The following APBA2 variants were observed in gnomAD, a reference collection of about 807,000 sequenced individuals.
The protein encoded by APBA2 is amyloid-beta A4 precursor protein-binding family A member 2.
Under a neutral mutation model 75.0 loss-of-function variants are expected in APBA2, and 30 were observed. That is an observed-to-expected ratio of 0.40 (90% CI 0.30 to 0.54). APBA2 has a LOEUF of 0.54. APBA2 is among the 20% of genes least tolerant of loss of function. The pLI is 0.49. For synonymous variants in APBA2, 444 were observed against 409.6 expected, an observed-to-expected ratio of 1.08 and a Z score of -1.01; for missense variants, 801 against 1,016.1, an observed-to-expected ratio of 0.79 and a Z score of 2.88.
At chr15:29,077,738 C>T (rs1367899948) in intron 6 of APBA2, among the ~76,000 whole-genome samples, 1 of 152,166 alleles carries the variant, frequency 6.6e-6, no homozygotes, top group Non-Finnish European at 1.5e-5. Context: ...AGGAGAGAAG[C>T]CCTTTGATTG....
chr15:29,104,522 T>C (rs1323319332), intron 10 of APBA2, among the ~76,000 whole-genome samples: 11 of 152,026 alleles, frequency 7.2e-5, no homozygotes, highest in Admixed American at 7.2e-4. Flanking sequence ...CATGTCAGAG[T>C]CGGTGATGTC....
intron 2 of APBA2, among the ~76,000 whole-genome samples, chr15:28,958,094 G>A (rs972544690): frequency 6.6e-6 from 1 of 152,218 alleles, no homozygotes; most frequent in Non-Finnish European, 1.5e-5. Context: ...GAACATGAGA[G>A]GATTGCACTC....
intron 2 of APBA2, among the ~76,000 whole-genome samples, chr15:28,942,472 T>G (rs1033383884): frequency 6.6e-6 from 1 of 152,206 alleles, no homozygotes; most frequent in Non-Finnish European, 1.5e-5. Flanking sequence ...CTTTTGGCCT[T>G]TTCTGTGAGG....
chr15:29,040,783 C>G (rs1410184249), intron 3 of APBA2, among the ~76,000 whole-genome samples: 1 of 152,086 alleles, frequency 6.6e-6, no homozygotes, highest in Non-Finnish European at 1.5e-5. Context: ...GGGATGCAAT[C>G]TACAATTATT....
intron 9 of APBA2, among the ~76,000 whole-genome samples, chr15:29,099,891 G>A (rs909160387): frequency 6.6e-6 from 1 of 152,210 alleles, no homozygotes; most frequent in Non-Finnish European, 1.5e-5. Context: ...TAACTCTTCC[G>A]CTGGATCCTG....
rs560827077 is a variant in APBA2 at position 28,914,282 on chromosome 15, G to A, written c.-204-7358G>A. On this transcript the variant is annotated intron_variant, in intron 1 of 14. Transcript: ENST00000683413. ...GACCTTGGGGAAGCAGCTCACCTCC[G>A]AGCCTGGTGTATGAGAGCATAATGG... Among the ~76,000 whole-genome samples, 4 of 151,988 alleles carry A rather than the reference G, an allele frequency of 2.6e-5. No individual in the cohort carries two copies. The South Asian group carries it at 8.3e-4, about 32-fold the overall frequency.
At chr15:28,951,171 G>T (rs1412885692) in intron 2 of APBA2, among the ~76,000 whole-genome samples, 2 of 152,074 alleles carry the variant, frequency 1.3e-5, no homozygotes, top group Non-Finnish European at 2.9e-5. Context: ...CATTTACATT[G>T]TACTAGGTAT....
At chr15:28,891,903 G>A (rs1014294052) in intron 1 of APBA2, among the ~76,000 whole-genome samples, 1 of 152,148 alleles carries the variant, frequency 6.6e-6, no homozygotes, top group Non-Finnish European at 1.5e-5. Context: ...TGACATTGTC[G>A]TAAAGTTGTA....
chr15:29,036,250 T>G (rs574489548), intron 3 of APBA2, among the ~76,000 whole-genome samples: 106 of 112,280 alleles, frequency 9.4e-4, no homozygotes, highest in African/African-American at 3.0e-3. Flanking sequence ...CTTAAAAAAC[T>G]ATTTTTTTTA....
chr15:29,090,151 G>A (rs1021748762), intron 6 of APBA2, among the ~76,000 whole-genome samples: 1 of 152,220 alleles, frequency 6.6e-6, no homozygotes, highest in Non-Finnish European at 1.5e-5. Context: ...ATTGTTTCTC[G>A]CTGAACAAAA....
At chr15:29,001,559 A>G (rs1454436375) in intron 3 of APBA2, among the ~76,000 whole-genome samples, 1 of 152,208 alleles carries the variant, frequency 6.6e-6, no homozygotes, top group Non-Finnish European at 1.5e-5. Flanking sequence ...GTGGAGACTC[A>G]TGAGTTGGGG....
chr15:28,945,077 A>C (rs1233071747), intron 2 of APBA2, among the ~76,000 whole-genome samples: 2 of 152,226 alleles, frequency 1.3e-5, no homozygotes. Context: ...AGCACACCAC[A>C]GCCACACAGG....
At chr15:28,901,077 G>A (rs1395051443) in intron 1 of APBA2, among the ~76,000 whole-genome samples, 5 of 152,132 alleles carry the variant, frequency 3.3e-5, no homozygotes, top group Non-Finnish European at 5.9e-5. Flanking sequence ...GCACTGTTCC[G>A]GTGGTCATTT....
chr15:29,093,320 T>C, intron 7 of APBA2, 100 bp downstream of exon 7: 1 of 1,506,002 alleles, frequency 6.6e-7, no homozygotes, highest in Non-Finnish European at 9.0e-7. Flanking sequence ...CAGCTCGGAC[T>C]GCACAGCCCT....
intron 2 of APBA2, among the ~76,000 whole-genome samples, chr15:28,971,652 A>G (rs182714693): frequency 4.5e-4 from 69 of 152,346 alleles, no homozygotes; most frequent in Non-Finnish European, 8.4e-4. Flanking sequence ...TAGTAAAACA[A>G]CAAATCATCC....
intron 2 of APBA2, among the ~76,000 whole-genome samples, chr15:28,957,647 G>A (rs943728418): frequency 6.6e-6 from 1 of 152,180 alleles, no homozygotes; most frequent in African/African-American, 2.4e-5. Flanking sequence ...CCTGATGCAC[G>A]ATGGTGTGGA....
At chr15:28,907,145 T>C (rs140237667) in intron 1 of APBA2, among the ~76,000 whole-genome samples, 1,612 of 152,318 alleles carry the variant, frequency 0.011, 28 homozygotes, top group African/African-American at 0.036. Flanking sequence ...ACATCTCTTA[T>C]TCAATCTAAA....
At chr15:28,909,628 A>G (rs2033335060) in intron 1 of APBA2, among the ~76,000 whole-genome samples, 1 of 152,182 alleles carries the variant, frequency 6.6e-6, no homozygotes, top group African/African-American at 2.4e-5. Flanking sequence ...CTCATCCTGC[A>G]TCGAGCTGGA....
chr15:29,107,045 A>G (rs2044453380), intron 12 of APBA2, among the ~76,000 whole-genome samples: 1 of 152,052 alleles, frequency 6.6e-6, no homozygotes, highest in South Asian at 2.1e-4. Context: ...TGGGGTGGGA[A>G]GGGAGGGGTT....
Sources: allele counts gnomAD v4.1 joint callset (sites outside exome capture counted in the v4.1 genomes callset), GRCh38; gene constraint gnomAD v4.1.1; transcripts MANE v1.5; gene names NCBI Gene and HGNC (gene_info 2026-07-23, HGNC 2026-07-21).